The following CDH18 variants were observed in gnomAD, a reference collection of about 807,000 sequenced individuals.
CDH18 encodes the protein cadherin 18.
In CDH18, 31 loss-of-function variants were observed where a neutral mutation model predicts 67.9. The ratio of observed to expected loss-of-function variants is 0.46; its 90% CI spans 0.34 to 0.62. The LOEUF (loss-of-function observed/expected upper bound fraction) is 0.62, where lower values mean the gene tolerates loss of function less well. CDH18 is among the 20% of genes least tolerant of loss of function. The pLI is 0.01. For synonymous variants in CDH18, 362 were observed against 347.2 expected, an observed-to-expected ratio of 1.04 and a Z score of -0.48; for missense variants, 890 against 975.5, an observed-to-expected ratio of 0.91 and a Z score of 1.17.
At chr5:19,928,872 G>A (rs1485889485) in intron 2 of CDH18, among the ~76,000 whole-genome samples, 1 of 152,100 alleles carries the variant, frequency 6.6e-6, no homozygotes, top group Non-Finnish European at 1.5e-5. Flanking sequence ...TATAGATGAT[G>A]ACTAGCAATA....
intron 2 of CDH18, among the ~76,000 whole-genome samples, chr5:20,073,156 T>A (rs902050172): frequency 2.6e-5 from 4 of 152,066 alleles, no homozygotes; most frequent in Admixed American, 2.6e-4. Flanking sequence ...CACAGTCATC[T>A]AAAACTTGAG....
chr5:19,801,300 C>T (rs769342506), intron 3 of CDH18, among the ~76,000 whole-genome samples: 8 of 152,188 alleles, frequency 5.3e-5, no homozygotes, highest in South Asian at 2.1e-4. Context: ...TGTTTCATTA[C>T]GTTAATCACT....
chr5:19,756,675 T>C (rs1561235564), intron 3 of CDH18, among the ~76,000 whole-genome samples: 1 of 152,204 alleles, frequency 6.6e-6, no homozygotes. Flanking sequence ...GGCTTAAAGG[T>C]AGGAGAAGCC....
chr5:19,857,249 T>TA lies in CDH18; in HGVS notation c.-256-18008dup, dbSNP rs5866402. On this transcript the variant is annotated intron_variant, in intron 2 of 12. Coordinates refer to ENST00000382275, the MANE Select transcript of CDH18 (RefSeq NM_004934.5). ...TGTCTCTAAAATAATAAACGAATAC[T>TA]AAAAAAAAAAAAAAAAGTTGAAGCA... 4.1e-3 allele frequency among the ~76,000 whole-genome samples: 573 copies of TA among 139,442 alleles called. 4 individuals carry two copies. Among genetic ancestry groups the TA allele is most frequent in the African/African-American group, 9.5e-3 (355 of 37,536 alleles). 91.5% of individuals were successfully genotyped at this position (139,442 alleles called of 152,430 possible). A position where few individuals can be genotyped will look rare whatever the true frequency, so the allele number is the denominator to read the frequency against.
At chr5:19,823,702 T>C (rs943510143) in intron 3 of CDH18, among the ~76,000 whole-genome samples, 12 of 152,148 alleles carry the variant, frequency 7.9e-5, no homozygotes, top group Non-Finnish European at 1.6e-4. Context: ...ATTCTGAACA[T>C]AAATTTGACA....
At chr5:19,892,361 CAATTTT>C (rs748298148) in intron 2 of CDH18, among the ~76,000 whole-genome samples, 6 of 151,984 alleles carry the variant, frequency 3.9e-5, no homozygotes, top group Non-Finnish European at 8.8e-5. Context: ...TAAGGAAATT[CAATTTT>C]ACTTTTTCAT....
At chr5:20,450,474 CCTTTAATTT>C (rs1750354211) in intron 1 of CDH18, among the ~76,000 whole-genome samples, 1 of 152,016 alleles carries the variant, frequency 6.6e-6, no homozygotes, top group Non-Finnish European at 1.5e-5. Flanking sequence ...TATATTAATT[CCTTTAATTT>C]AAAAATAAAA....
At chr5:19,620,157 T>C (rs1255390677) in intron 5 of CDH18, among the ~76,000 whole-genome samples, 1 of 152,186 alleles carries the variant, frequency 6.6e-6, no homozygotes, top group African/African-American at 2.4e-5. Context: ...TACTTCTCTA[T>C]ATGTTTTTTC....
intron 5 of CDH18, among the ~76,000 whole-genome samples, chr5:19,697,774 G>C (rs893954343): frequency 6.6e-6 from 1 of 152,146 alleles, no homozygotes; most frequent in African/African-American, 2.4e-5. Context: ...ATGCCATTAA[G>C]AGTGGCCAAT....
intron 1 of CDH18, among the ~76,000 whole-genome samples, chr5:19,986,961 T>C (rs995892851): frequency 1.3e-5 from 2 of 152,188 alleles, no homozygotes; most frequent in African/African-American, 4.8e-5. Context: ...TCAGAGCCTG[T>C]AGTTAGTTTT....
intron 11 of CDH18, among the ~76,000 whole-genome samples, chr5:19,502,196 G>C (rs775808314): frequency 1.3e-5 from 2 of 152,162 alleles, no homozygotes; most frequent in Non-Finnish European, 2.9e-5. Flanking sequence ...ATGTGCCACT[G>C]TTTTCTGCAT....
At chr5:19,790,387 G>C (rs929772522) in intron 3 of CDH18, among the ~76,000 whole-genome samples, 1 of 152,002 alleles carries the variant, frequency 6.6e-6, no homozygotes, top group African/African-American at 2.4e-5. Context: ...TACTATGTGC[G>C]AGTGCTTGGC....
intron 2 of CDH18, among the ~76,000 whole-genome samples, chr5:20,156,771 A>G (rs1442592477): frequency 6.6e-6 from 1 of 152,206 alleles, no homozygotes; most frequent in Non-Finnish European, 1.5e-5. Context: ...CTACCTTTCC[A>G]TGTATTTCCC....
At chr5:20,119,520 A>G (rs769132806) in intron 2 of CDH18, among the ~76,000 whole-genome samples, 1 of 152,210 alleles carries the variant, frequency 6.6e-6, no homozygotes, top group Admixed American at 6.5e-5. Flanking sequence ...CAGATAAATT[A>G]ATAAAAGAGT....
intron 7 of CDH18, among the ~76,000 whole-genome samples, chr5:19,580,162 A>T (rs974131088): frequency 2.0e-5 from 3 of 151,834 alleles, no homozygotes; most frequent in Non-Finnish European, 3.0e-5. Context: ...TTTTGGTTAT[A>T]ATTTCCATAC....
chr5:19,593,814 A>G (rs1463316076), intron 6 of CDH18, among the ~76,000 whole-genome samples: 1 of 149,684 alleles, frequency 6.7e-6, no homozygotes, highest in Non-Finnish European at 1.5e-5. Context: ...GCCTTTTAGC[A>G]GACAGGGCTT....
intron 1 of CDH18, among the ~76,000 whole-genome samples, chr5:20,390,905 G>GC (rs544093038): frequency 5.3e-5 from 8 of 151,618 alleles, no homozygotes; most frequent in Admixed American, 2.0e-4. Flanking sequence ...CCAAACACAT[G>GC]TTCTCACTCA....
intron 2 of CDH18, among the ~76,000 whole-genome samples, chr5:20,034,125 G>T (rs1442549518): frequency 6.6e-6 from 1 of 152,110 alleles, no homozygotes. Context: ...TGTGTGGGGG[G>T]AAAAGAATTG....
At chr5:19,720,758 A>G (rs1228826370) in intron 5 of CDH18, among the ~76,000 whole-genome samples, 2 of 152,188 alleles carry the variant, frequency 1.3e-5, no homozygotes, top group Admixed American at 1.3e-4. Flanking sequence ...TTTTTCCTGA[A>G]AAAATATTTA....
Sources: gnomAD v4.1 joint callset for allele counts (sites outside exome capture counted in the v4.1 genomes callset) on GRCh38, gnomAD v4.1.1 for gene constraint, MANE v1.5 for transcripts, NCBI Gene and HGNC (gene_info 2026-07-23, HGNC 2026-07-21) for gene names.